WDR59: variants seen among roughly 807,000 people sequenced by gnomAD.
The protein encoded by WDR59 is GATOR2 complex protein WDR59.
A neutral mutation model predicts 131.2 loss-of-function variants in WDR59; 100 were observed. That is an observed-to-expected ratio of 0.76 (90% CI 0.65 to 0.90). The LOEUF (loss-of-function observed/expected upper bound fraction) is 0.90, where lower values mean the gene tolerates loss of function less well. Among genes scored for constraint, WDR59 ranks in the 40% least tolerant of loss-of-function variants. WDR59 has a pLI of 0.00. For synonymous variants in WDR59, 601 were observed against 466.2 expected (o/e 1.29, Z -3.72); for missense variants, 1,203 against 1,262.2 (o/e 0.95, Z 0.71).
At chr16:74,981,994 GCC>G (rs2034448593) in intron 1 of WDR59, among the ~76,000 whole-genome samples, 1 of 133,852 alleles carries the variant, frequency 7.5e-6, no homozygotes. Context: ...GGTGGCTCAC[GCC>G]TGTAATCCCA....
chr16:74,969,190 G>C (rs1333155985), intron 1 of WDR59, among the ~76,000 whole-genome samples: 1 of 152,210 alleles, frequency 6.6e-6, no homozygotes, highest in Admixed American at 6.5e-5. Flanking sequence ...ATTAAAGACA[G>C]GTTAGAGGTG....
intron 4 of WDR59, 24 bp downstream of exon 4, chr16:74,951,434 G>C (rs1344160869): frequency 6.3e-7 from 1 of 1,576,792 alleles, no homozygotes; most frequent in Non-Finnish European, 8.6e-7. Context: ...GACAGCCAAA[G>C]AGCTGTGGAG....
rs182191468 is a variant in WDR59, at chr16:74,943,773, C to T, written c.446-947G>A. Reference sequence around the variant, plus strand: ...CACAGCTTTGGGGAGCTACTTGATCCAAGAAGTCCAGAGTAGGACAGAGCA... The same window carrying T: ...CACAGCTTTGGGGAGCTACTTGATCTAAGAAGTCCAGAGTAGGACAGAGCA... On this transcript the variant is annotated intron_variant, in intron 6 of 25. Coordinates refer to ENST00000262144, the MANE Select transcript of WDR59 (RefSeq NM_030581.4). 1.3e-4 allele frequency among the ~76,000 whole-genome samples: 20 copies of T among 152,220 alleles called. No homozygotes were observed. In the East Asian group the frequency reaches 3.7e-3, roughly 28 times the overall value.
intron 18 of WDR59, chr16:74,899,750 G>C (rs891227884): frequency 3.9e-6 from 5 of 1,289,030 alleles, no homozygotes; most frequent in African/African-American, 3.0e-5. Context: ...AGAGCGAGGA[G>C]ACATCTGTGC....
intron 1 of WDR59, among the ~76,000 whole-genome samples, chr16:74,969,710 A>C (rs2033908434): frequency 6.6e-6 from 1 of 151,730 alleles, no homozygotes; most frequent in African/African-American, 2.4e-5. Context: ...CTGAGATTAC[A>C]GGCATGTGCC....
chr16:74,958,620 A>AAAAAAAAAAAC (rs1199806175), intron 2 of WDR59, among the ~76,000 whole-genome samples: 15 of 141,146 alleles, frequency 1.1e-4, no homozygotes, highest in African/African-American at 2.9e-4. Flanking sequence ...AAAAAAAAAA[A>AAAAAAAAAAAC]CAAGCTAAAT....
intron 13 of WDR59, among the ~76,000 whole-genome samples, chr16:74,915,118 G>A (rs190747732): frequency 6.6e-6 from 1 of 152,346 alleles, no homozygotes; most frequent in Non-Finnish European, 1.5e-5. Flanking sequence ...GAAATGGCCA[G>A]CCTGTGAGAG....
chr16:74,908,639 G>T, intron 17 of WDR59: 1 of 364,066 alleles, frequency 2.7e-6, no homozygotes, highest in Admixed American at 4.6e-5. Context: ...AGCAATAGGG[G>T]AAAGGCACAT....
intron 4 of WDR59, among the ~76,000 whole-genome samples, chr16:74,950,281 C>T (rs1250587376): frequency 1.3e-5 from 2 of 152,100 alleles, no homozygotes; most frequent in African/African-American, 4.8e-5. Context: ...GAGCTGAGAT[C>T]GTGCCACTGC....
At chr16:74,904,222 A>G in intron 17 of WDR59, 122 bp from the exon 18 acceptor site, 1 of 1,244,400 alleles carries the variant, frequency 8.0e-7, no homozygotes, top group South Asian at 1.4e-5. Context: ...AACTCCAGAA[A>G]AAGAAGTCAA....
At chr16:74,955,786 G>A (rs555137510) in intron 3 of WDR59, among the ~76,000 whole-genome samples, 17 of 152,128 alleles carry the variant, frequency 1.1e-4, no homozygotes, top group South Asian at 6.2e-4. Context: ...ATACTCTCCT[G>A]CCAGCCCAAT....
chr16:74,888,262 C>T lies in WDR59; in HGVS notation c.2253G>A (p.Val751=). 6.2e-7 allele frequency: 1 copy of T among 1,614,024 alleles called. No homozygotes were observed. Among genetic ancestry groups the T allele is most frequent in the Non-Finnish European group, 8.5e-7 (1 of 1,179,960 alleles). The change falls in exon 22 of 26, where the codon GTG becomes GTA. Residue 751 remains valine, a synonymous_variant. Coordinates refer to ENST00000262144, the MANE Select transcript of WDR59 (RefSeq NM_030581.4). ...DVQTLAMLCS[V]FEAQSRPQGL... ...CCTGAGGCCGAGACTGGGCTTCAAACACGCTACAGAGCATCGCCAGTGTCT... is the reference window on the plus strand; with the variant it reads ...CCTGAGGCCGAGACTGGGCTTCAAATACGCTACAGAGCATCGCCAGTGTCT...
In WDR59 at chr16:74,906,313, C is replaced by CAAAAAAAAA. The variant is rs762288713; in HGVS notation, c.1713-2222_1713-2214dup. Among the ~76,000 whole-genome samples, 31 of 32,464 alleles carry CAAAAAAAAA rather than the reference C, an allele frequency of 9.5e-4. 6 individuals are homozygous for CAAAAAAAAA. Among genetic ancestry groups the CAAAAAAAAA allele is most frequent in the South Asian group, 1.9e-3 (1 of 520 alleles). 21.3% of individuals were successfully genotyped at this position (32,464 alleles called of 152,430 possible). A position where few individuals can be genotyped will look rare whatever the true frequency, so the allele number is the denominator to read the frequency against. The stretch of plus-strand genomic sequence containing the variant: ...TGAGCGACAGAGCAAGACTCCGTCT[C>CAAAAAAAAA]AAAAAAAAAAAAACCCACAGTGAGA... On this transcript the variant is annotated intron_variant, in intron 17 of 25. Coordinates refer to ENST00000262144, the MANE Select transcript of WDR59 (RefSeq NM_030581.4).
chr16:74,958,936 G>A (rs2033438880), intron 2 of WDR59, among the ~76,000 whole-genome samples: 2 of 152,096 alleles, frequency 1.3e-5, no homozygotes, highest in Admixed American at 6.5e-5. Context: ...GTGCATGCCT[G>A]TAATCCCAGC....
chr16:74,982,667 A>G (rs1422772675), intron 1 of WDR59, among the ~76,000 whole-genome samples: 1 of 152,230 alleles, frequency 6.6e-6, no homozygotes, highest in Non-Finnish European at 1.5e-5. Context: ...GAAAGAAAAC[A>G]GGAATATGGT....
chr16:74,925,249 T>C (rs1242566802), intron 8 of WDR59, among the ~76,000 whole-genome samples: 1 of 152,160 alleles, frequency 6.6e-6, no homozygotes, highest in Non-Finnish European at 1.5e-5. Context: ...AAAGGTTATA[T>C]ACTAGTCCGG....
chr16:74,908,621 A>G, intron 17 of WDR59: 1 of 310,162 alleles, frequency 3.2e-6, no homozygotes, highest in East Asian at 5.4e-5. Context: ...AATAATAAAT[A>G]ATATGCTAGC....
At chr16:74,950,571 G>A (rs1311948941) in intron 4 of WDR59, among the ~76,000 whole-genome samples, 1 of 152,166 alleles carries the variant, frequency 6.6e-6, no homozygotes, top group Non-Finnish European at 1.5e-5. Context: ...CAACTGCACA[G>A]AACATTCCAC....
chr16:74,976,963 C>T (rs1005275836), intron 1 of WDR59, among the ~76,000 whole-genome samples: 4 of 152,068 alleles, frequency 2.6e-5, no homozygotes, highest in East Asian at 3.9e-4. Context: ...TTCAAAATCA[C>T]GGCACTCCAG....
Sources: gnomAD v4.1 joint callset for allele counts (sites outside exome capture counted in the v4.1 genomes callset) on GRCh38, gnomAD v4.1.1 for gene constraint, MANE v1.5 for transcripts, NCBI Gene and HGNC (gene_info 2026-07-23, HGNC 2026-07-21) for gene names.